Variants in ANKRD11 observed in about 807,000 individuals in gnomAD.
ANKRD11 encodes ankyrin repeat domain-containing protein 11.
A neutral mutation model predicts 195.7 loss-of-function variants in ANKRD11; 17 were observed. That is an observed-to-expected ratio of 0.09 (90% CI 0.06 to 0.13). ANKRD11 has a LOEUF of 0.13. Among genes scored for constraint, ANKRD11 ranks in the 10% least tolerant of loss-of-function variants. The pLI is 1.00. For missense variants in ANKRD11, 3,735 were observed against 3,566.1 expected, an observed-to-expected ratio of 1.05 and a Z score of -1.21; for synonymous variants, 1,953 against 1,528.1, an observed-to-expected ratio of 1.28 and a Z score of -6.49.
chr16:89,347,774 C>T (rs546978445), intron 2 of ANKRD11, among the ~76,000 whole-genome samples: 30 of 151,046 alleles, frequency 2.0e-4, no homozygotes, highest in Non-Finnish European at 3.5e-4. Flanking sequence ...ACAAACATCT[C>T]CAACATTAGG....
In ANKRD11 at chr16:89,437,952, G is replaced by A. The variant is rs952890161; in HGVS notation, c.-144-19584C>T. On this transcript the variant is annotated intron_variant, in intron 1 of 12. Coordinates refer to ENST00000301030, the MANE Select transcript of ANKRD11 (RefSeq NM_013275.6). The stretch of plus-strand genomic sequence containing the variant: ...AAAATCATTCTTAGTTTCCTCATCT[G>A]TAGAAAGAAAAATTCCTGGATACAA... Among the ~76,000 whole-genome samples, 4 of 152,202 alleles carry A rather than the reference G, an allele frequency of 2.6e-5. 1 individual carries two copies. Among genetic ancestry groups the A allele is most frequent in the African/African-American group, 9.7e-5 (4 of 41,442 alleles).
At chr16:89,295,981 CTGCCTTTTT>C (rs1480060999) in intron 4 of ANKRD11, among the ~76,000 whole-genome samples, 3 of 22,366 alleles carry the variant, frequency 1.3e-4, no homozygotes, top group Admixed American at 6.2e-4. Flanking sequence ...CTCTATCTGG[CTGCCTTTTT>C]TTTTTTTTTT....
chr16:89,313,529 G>C (rs1182365222), intron 3 of ANKRD11: 7 of 1,289,184 alleles, frequency 5.4e-6, no homozygotes, highest in Non-Finnish European at 7.1e-6. Context: ...CTGCAGAGTT[G>C]TGGGCTCCAT....
intron 2 of ANKRD11, chr16:89,395,852 G>A (rs925102767): frequency 6.6e-6 from 1 of 152,208 alleles, no homozygotes; most frequent in Non-Finnish European, 1.5e-5. Context: ...TGCTGGGGTG[G>A]TGCGGCAAGA....
chr16:89,398,132 CTG>C (rs1156932693), intron 2 of ANKRD11, among the ~76,000 whole-genome samples: 2 of 151,598 alleles, frequency 1.3e-5, no homozygotes, highest in African/African-American at 4.9e-5. Context: ...AAGAGGGACA[CTG>C]TGAAACAGCT....
intron 2 of ANKRD11, chr16:89,323,230 G>A (rs939949484): frequency 2.1e-4 from 244 of 1,164,308 alleles, no homozygotes; most frequent in Non-Finnish European, 3.1e-5. Context: ...GAGGAAAAAA[G>A]AAAAAAGGAG....
intron 2 of ANKRD11, among the ~76,000 whole-genome samples, chr16:89,341,783 C>T (rs576634988): frequency 6.6e-6 from 1 of 152,374 alleles, no homozygotes; most frequent in South Asian, 2.1e-4. Context: ...AAAAAGTGGC[C>T]AAGAGATGGC....
Position 89,285,017 on chromosome 16 carries a change from G to A in ANKRD11, c.1525C>T (p.Leu509=). ...SGCLKGSPLV[L]KDPSLFSSLS... ...GAGCTGAACAGGGAGGGGTCCTTCA[G>A]CACCAGCGGGGACCCCTTGAGGCAG... The change falls in exon 9 of 13, where the codon CTG becomes TTG. Residue 509 remains leucine (L), a synonymous_variant. Transcript: ENST00000301030. The surrounding 1 kb of genome is among the most constrained non-coding windows in gnomAD (Gnocchi z 5.6). 6.2e-7 allele frequency: 1 copy of A among 1,614,028 alleles called. No homozygotes were observed. The highest frequency in any genetic ancestry group is 8.5e-7 in the Non-Finnish European group (1 of 1,180,008).
At chr16:89,319,139 T>G (rs1182489671) in intron 2 of ANKRD11, among the ~76,000 whole-genome samples, 1 of 152,198 alleles carries the variant, frequency 6.6e-6, no homozygotes, top group African/African-American at 2.4e-5. Flanking sequence ...CTTCACCATG[T>G]AGAGTCCACC....
chr16:89,386,649 G>A (rs1597236609), intron 2 of ANKRD11, among the ~76,000 whole-genome samples: 1 of 152,172 alleles, frequency 6.6e-6, no homozygotes, highest in South Asian at 2.1e-4. Context: ...ATCTCTTCTC[G>A]TCCAGGAAAC....
chr16:89,430,391 A>G (rs2042925248), intron 1 of ANKRD11, among the ~76,000 whole-genome samples: 3 of 143,144 alleles, frequency 2.1e-5, no homozygotes, highest in South Asian at 2.3e-4. Flanking sequence ...CACAGCAGGG[A>G]CTCTCAACTC....
At chr16:89,290,546 G>C in intron 6 of ANKRD11, 79 bp downstream of exon 6, 3 of 1,484,784 alleles carry the variant, frequency 2.0e-6, no homozygotes, top group Non-Finnish European at 2.8e-6. Context: ...CTCCAATGGG[G>C]GGAGGCTCAG....
In ANKRD11 at chr16:89,280,251, G is replaced by A. The variant is rs745950835; in HGVS notation, c.6291C>T (p.Pro2097=). Residue 2097 remains proline, a synonymous_variant, in exon 9 of 13, where the codon CCC becomes CCT. Coordinates refer to ENST00000301030, the MANE Select transcript of ANKRD11 (RefSeq NM_013275.6). ...TGCCGTCCAGGAAGCTATTTTCCAGGGGCCCCAGAGCCTCCACCTGAGCCA... is the reference window on the plus strand; with the variant it reads ...TGCCGTCCAGGAAGCTATTTTCCAGAGGCCCCAGAGCCTCCACCTGAGCCA... ...AAVAQVEALG[P]LENSFLDGSR... is the part of the protein sequence containing the mutation. The A allele has an allele frequency of 1.7e-5, 27 of 1,608,490 alleles. 1 individual carries two copies. The South Asian group carries it at 2.1e-4, about 12-fold the overall frequency.
chr16:89,425,251 G>A (rs761889615), intron 1 of ANKRD11, among the ~76,000 whole-genome samples: 25 of 152,096 alleles, frequency 1.6e-4, no homozygotes, highest in Non-Finnish European at 3.5e-4. Context: ...GAGAAATTTA[G>A]TCAAGGTCAC....
intron 2 of ANKRD11, among the ~76,000 whole-genome samples, chr16:89,335,935 C>A (rs2038329034): frequency 6.6e-6 from 1 of 152,224 alleles, no homozygotes; most frequent in African/African-American, 2.4e-5. Context: ...GCTGAGGCAT[C>A]CGCCGCAAAC....
In ANKRD11 at chr16:89,284,216, A is replaced by C. The variant is rs757261241; in HGVS notation, c.2326T>G (p.Leu776Val). 2 of 1,611,894 alleles carry C rather than the reference A, an allele frequency of 1.2e-6. No homozygotes were observed. The highest frequency in any genetic ancestry group is 2.7e-5 in the African/African-American group (2 of 74,730). Reference sequence around the variant, plus strand: ...TCTTTTAAATCATTCTTCTTCTCTAATTTTGAGGGCCGGTCTTTTGATTTC... The same window carrying C: ...TCTTTTAAATCATTCTTCTTCTCTACTTTTGAGGGCCGGTCTTTTGATTTC... The part of the protein sequence containing the change: ...KKKSKDRPSK[L>V]EKKNDLKEDK... Residue 776 changes from leucine to valine, a missense_variant, in exon 9 of 13, where the codon TTA (leucine) becomes GTA (valine). By Grantham distance (32) the Leu-to-Val change is conservative. Transcript: ENST00000301030.
chr16:89,356,272 A>G (rs1274282861), intron 2 of ANKRD11, among the ~76,000 whole-genome samples: 1 of 151,874 alleles, frequency 6.6e-6, no homozygotes, highest in Non-Finnish European at 1.5e-5. Flanking sequence ...CAAAGGAGAC[A>G]TCTTTGTCAA....
chr16:89,459,959 G>C (rs1015787555), intron 1 of ANKRD11, among the ~76,000 whole-genome samples: 1 of 151,564 alleles, frequency 6.6e-6, no homozygotes, highest in Non-Finnish European at 1.5e-5. Context: ...AAAAAGGCCA[G>C]GTGCGGTGGC....
rs767957195 is a variant in ANKRD11 at position 89,284,489 on chromosome 16, T to C, written c.2053A>G (p.Lys685Glu). ...ENDLSTENKL[K>E]VLKHDRDHFK... ...TGGTCGCGATCGTGCTTTAACACTT[T>C]TAGCTTGTTTTCAGTGGAAAGATCA... The change falls in exon 9 of 13, where the codon AAA (lysine) becomes GAA (glutamate). Residue 685 changes from lysine to glutamate, a missense_variant. Lys to Glu is a moderately conservative substitution (Grantham distance 56). Coordinates refer to ENST00000301030, the MANE Select transcript of ANKRD11 (RefSeq NM_013275.6). The C allele has an allele frequency of 3.1e-6, 5 of 1,614,022 alleles. No individual in the cohort carries two copies. The highest frequency in any genetic ancestry group is 1.1e-5 in the South Asian group (1 of 91,086).
Sources: gnomAD v4.1 joint callset for allele counts (sites outside exome capture counted in the v4.1 genomes callset) on GRCh38, gnomAD v4.1.1 for gene constraint, Gnocchi (gnomAD v3.1) non-coding constraint, MANE v1.5 for transcripts, NCBI Gene and HGNC (gene_info 2026-07-23, HGNC 2026-07-21) for gene names.